SLIT3: variants seen among roughly 807,000 people sequenced by gnomAD.
SLIT3 encodes slit homolog 3 protein.
In SLIT3, 68 loss-of-function variants were observed where a neutral mutation model predicts 184.0. The observed-to-expected ratio is 0.37, with a 90% CI of 0.30 to 0.45. The LOEUF is 0.45. Among genes scored for constraint, SLIT3 ranks in the 20% least tolerant of loss-of-function variants. The pLI, the probability that SLIT3 is intolerant of heterozygous loss-of-function variation, is 1.00. For synonymous variants in SLIT3, 831 were observed against 828.6 expected (o/e 1.00, Z -0.05); for missense variants, 1,707 against 2,026.0 (o/e 0.84, Z 3.02).
chr5:169,093,625 A>G (rs1261477583), intron 4 of SLIT3, among the ~76,000 whole-genome samples: 1 of 152,190 alleles, frequency 6.6e-6, no homozygotes, highest in Non-Finnish European at 1.5e-5. Context: ...ACAATAGAGT[A>G]GCTCATGGGT....
chr5:169,016,864 T>C (rs1293726759), intron 4 of SLIT3, among the ~76,000 whole-genome samples: 2 of 152,206 alleles, frequency 1.3e-5, no homozygotes, highest in Non-Finnish European at 2.9e-5. Context: ...ATGTTATTTT[T>C]TGGAGTTTGT....
chr5:168,882,320 G>T (rs1759984327), intron 5 of SLIT3, among the ~76,000 whole-genome samples: 1 of 152,180 alleles, frequency 6.6e-6, no homozygotes, highest in Non-Finnish European at 1.5e-5. Flanking sequence ...CAAAGGTTTA[G>T]GCAGAAAATT....
intron 4 of SLIT3, among the ~76,000 whole-genome samples, chr5:169,017,203 C>T (rs1218305453): frequency 2.6e-5 from 4 of 152,124 alleles, no homozygotes; most frequent in Admixed American, 2.6e-4. Flanking sequence ...CATAGACAGA[C>T]CTTTAAGTTA....
intron 9 of SLIT3, among the ~76,000 whole-genome samples, chr5:168,795,807 A>C (rs1049786570): frequency 2.6e-5 from 4 of 152,120 alleles, no homozygotes; most frequent in Middle Eastern, 3.2e-3. Context: ...GAGGGAAAGG[A>C]TGATCTTTCC....
chr5:168,753,559 G>A (rs1754791298), intron 17 of SLIT3, among the ~76,000 whole-genome samples: 1 of 152,148 alleles, frequency 6.6e-6, no homozygotes, highest in African/African-American at 2.4e-5. Context: ...GTAAATGTCT[G>A]TTTGTGTGCC....
chr5:168,848,623 A>G (rs1196958229), intron 5 of SLIT3, among the ~76,000 whole-genome samples: 5 of 152,196 alleles, frequency 3.3e-5, no homozygotes, highest in African/African-American at 1.2e-4. Context: ...GGCAAACAAT[A>G]TGAGTGCTAA....
At chr5:168,719,541 C>T (rs779258469) in intron 23 of SLIT3, among the ~76,000 whole-genome samples, 2 of 152,156 alleles carry the variant, frequency 1.3e-5, no homozygotes, top group Non-Finnish European at 2.9e-5. Context: ...AAGCACTTTC[C>T]CACATTGCTA....
intron 20 of SLIT3, 111 bp downstream of exon 20, chr5:168,748,191 T>TC (rs1754557994): frequency 9.6e-6 from 12 of 1,249,366 alleles, no homozygotes; most frequent in Middle Eastern, 4.0e-4. Context: ...AAGTAGGGTC[T>TC]CCCCCCGGCA....
chr5:169,142,029 G>A (rs7710708), intron 4 of SLIT3, among the ~76,000 whole-genome samples: 1,646 of 149,896 alleles, frequency 0.011, 39 homozygotes, highest in African/African-American at 0.038. Flanking sequence ...CAGCCTGGGC[G>A]GCAGAGCGAG....
At chr5:168,744,275 C>T (rs187031752) in intron 20 of SLIT3, among the ~76,000 whole-genome samples, 3 of 152,170 alleles carry the variant, frequency 2.0e-5, no homozygotes, top group East Asian at 1.9e-4. Flanking sequence ...GGTGAAAGAG[C>T]GAGACTCCAT....
chr5:169,165,948 C>G (rs1165594057), intron 4 of SLIT3, among the ~76,000 whole-genome samples: 3 of 152,162 alleles, frequency 2.0e-5, no homozygotes, highest in Non-Finnish European at 4.4e-5. Context: ...TGAATGAGTG[C>G]TTAGCAGATA....
intron 4 of SLIT3, among the ~76,000 whole-genome samples, chr5:168,960,781 C>G (rs1490561030): frequency 6.6e-6 from 1 of 152,228 alleles, no homozygotes; most frequent in African/African-American, 2.4e-5. Context: ...TGAAAGGAAG[C>G]TATCTGGGGC....
chr5:169,061,993 G>C (rs112772812), intron 4 of SLIT3, among the ~76,000 whole-genome samples: 30,388 of 151,880 alleles, frequency 0.2, 3,228 homozygotes, highest in African/African-American at 0.24. Context: ...GACCATCCTG[G>C]CTAACATGGT....
At chr5:168,842,623 T>C (rs1244818900) in intron 6 of SLIT3, among the ~76,000 whole-genome samples, 1 of 152,104 alleles carries the variant, frequency 6.6e-6, no homozygotes, top group East Asian at 1.9e-4. Flanking sequence ...ACATACACTG[T>C]CTGTTTTTAA....
At chr5:169,197,342 T>C (rs1418346539) in intron 3 of SLIT3, among the ~76,000 whole-genome samples, 3 of 152,122 alleles carry the variant, frequency 2.0e-5, no homozygotes, top group Non-Finnish European at 1.5e-5. Flanking sequence ...TATTTCCAGG[T>C]AACTCCAGGA....
chr5:168,909,968 C>T (rs1761200833), intron 4 of SLIT3, among the ~76,000 whole-genome samples: 1 of 152,188 alleles, frequency 6.6e-6, no homozygotes, highest in African/African-American at 2.4e-5. Flanking sequence ...TGCTTTAAAC[C>T]CATTCACTAA....
intron 28 of SLIT3, among the ~76,000 whole-genome samples, chr5:168,695,648 T>C (rs1762037485): frequency 6.6e-6 from 1 of 151,984 alleles, no homozygotes; most frequent in Non-Finnish European, 1.5e-5. Flanking sequence ...TTTTTAGGGG[T>C]TATTAATGTA....
intron 4 of SLIT3, among the ~76,000 whole-genome samples, chr5:169,027,570 C>T (rs913636314): frequency 3.3e-5 from 5 of 152,152 alleles, no homozygotes; most frequent in African/African-American, 1.2e-4. Flanking sequence ...TCAAAAGGCA[C>T]CTTTAATCTG....
At chr5:168,993,552 C>T (rs2113394252) in intron 4 of SLIT3, among the ~76,000 whole-genome samples, 1 of 152,356 alleles carries the variant, frequency 6.6e-6, no homozygotes, top group South Asian at 2.1e-4. Context: ...CCACAGCCTG[C>T]TCTGAAGGCC....
Sources: allele counts gnomAD v4.1 joint callset (sites outside exome capture counted in the v4.1 genomes callset), GRCh38; gene constraint gnomAD v4.1.1; transcripts MANE v1.5; gene names NCBI Gene and HGNC (gene_info 2026-07-23, HGNC 2026-07-21).